Variants in MAGI1 observed in about 807,000 individuals in gnomAD.
The protein encoded by MAGI1 is membrane associated guanylate kinase, WW and PDZ domain containing 1.
Under a neutral mutation model 139.9 loss-of-function variants are expected in MAGI1, and 58 were observed. That is an observed-to-expected ratio of 0.41 (90% CI 0.34 to 0.52). MAGI1 has a LOEUF of 0.52. MAGI1 is among the 20% of genes least tolerant of loss of function. The pLI, the probability that MAGI1 is intolerant of heterozygous loss-of-function variation, is 0.12. For missense variants in MAGI1, 1,874 were observed against 1,901.6 expected (o/e 0.99, Z 0.27); for synonymous variants, 812 against 737.9 (o/e 1.10, Z -1.63).
intron 1 of MAGI1, among the ~76,000 whole-genome samples, chr3:65,768,083 A>G (rs996605076): frequency 1.3e-5 from 2 of 152,216 alleles, no homozygotes; most frequent in Non-Finnish European, 2.9e-5. Context: ...ATAGGCAAGC[A>G]TTCTATTCCT....
At chr3:65,672,413 A>G (rs1311605434) in intron 1 of MAGI1, among the ~76,000 whole-genome samples, 2 of 152,232 alleles carry the variant, frequency 1.3e-5, no homozygotes, top group African/African-American at 4.8e-5. Context: ...CTGACAAAGA[A>G]GCCATTTTTA....
At chr3:65,531,475 TTAAAA>T (rs1294981155) in intron 2 of MAGI1, among the ~76,000 whole-genome samples, 2 of 152,178 alleles carry the variant, frequency 1.3e-5, no homozygotes, top group Non-Finnish European at 2.9e-5. Context: ...TAATATTTAT[TTAAAA>T]TAATAGTTAT....
intron 2 of MAGI1, among the ~76,000 whole-genome samples, chr3:65,551,945 C>T (rs1431825166): frequency 6.6e-6 from 1 of 152,154 alleles, no homozygotes; most frequent in Non-Finnish European, 1.5e-5. Flanking sequence ...CATCAGAGGA[C>T]TAGATAAGCC....
intron 1 of MAGI1, among the ~76,000 whole-genome samples, chr3:65,856,763 T>C (rs1023870605): frequency 2.6e-5 from 4 of 152,112 alleles, no homozygotes; most frequent in Non-Finnish European, 5.9e-5. Context: ...GAGCTGATGG[T>C]CTTAACCCTC....
intron 1 of MAGI1, among the ~76,000 whole-genome samples, chr3:65,855,278 C>T (rs536248594): frequency 6.6e-6 from 1 of 151,628 alleles, no homozygotes; most frequent in South Asian, 2.1e-4. Context: ...ATAAACAGTA[C>T]CAAAGAAATG....
Position 65,379,529 on chromosome 3 carries a change from G to T in MAGI1, c.2727C>A (p.Pro909=). Residue 909 remains proline (P), a synonymous_variant, in exon 17 of 23, where the codon CCC becomes CCA. Coordinates refer to ENST00000402939, the MANE Select transcript of MAGI1 (RefSeq NM_001033057.2). ...FAVPKTENEV[P]SPASSHHSSN... ...TACTGTGATGAGAGGAGGCTGGCGAGGGCACCTCGTTCTCGGTTTTGGGCA... is the reference window on the plus strand; with the variant it reads ...TACTGTGATGAGAGGAGGCTGGCGATGGCACCTCGTTCTCGGTTTTGGGCA... 1.9e-6 allele frequency: 3 copies of T among 1,610,822 alleles called. No individual in the cohort carries two copies. The highest frequency in any genetic ancestry group is 2.5e-6 in the Non-Finnish European group (3 of 1,177,426).
intron 1 of MAGI1, among the ~76,000 whole-genome samples, chr3:65,737,304 G>A (rs112899129): frequency 0.036 from 5,418 of 152,284 alleles, 298 homozygotes; most frequent in African/African-American, 0.12. Context: ...TGCGCCCAGC[G>A]CATCAAGACT....
chr3:65,555,114 A>G (rs1388468098), intron 2 of MAGI1, among the ~76,000 whole-genome samples: 1 of 152,266 alleles, frequency 6.6e-6, no homozygotes, highest in Non-Finnish European at 1.5e-5. Context: ...CAATTTTTGT[A>G]ACTTTTCTCT....
At chr3:65,642,844 G>C (rs533388891) in intron 1 of MAGI1, among the ~76,000 whole-genome samples, 123 of 152,120 alleles carry the variant, frequency 8.1e-4, no homozygotes, top group Non-Finnish European at 1.5e-3. Context: ...TTACCTGCCT[G>C]GAAATTAAAT....
intron 1 of MAGI1, among the ~76,000 whole-genome samples, chr3:65,625,008 G>A (rs2083891821): frequency 6.6e-6 from 1 of 152,052 alleles, no homozygotes; most frequent in South Asian, 2.1e-4. Context: ...GAGTAGCAGG[G>A]ATTACAGGCA....
intron 1 of MAGI1, among the ~76,000 whole-genome samples, chr3:65,707,644 G>A (rs2030578917): frequency 6.7e-6 from 1 of 150,316 alleles, no homozygotes; most frequent in Non-Finnish European, 1.5e-5. Flanking sequence ...GAACCATGAT[G>A]GGGTCACTGC....
intron 2 of MAGI1, among the ~76,000 whole-genome samples, chr3:65,609,201 T>C (rs1186487709): frequency 6.6e-6 from 1 of 152,202 alleles, no homozygotes; most frequent in Non-Finnish European, 1.5e-5. Flanking sequence ...TGTGTGTGCG[T>C]AAAAATTTAC....
At chr3:65,453,871 G>A (rs934431075) in intron 5 of MAGI1, among the ~76,000 whole-genome samples, 29 of 152,114 alleles carry the variant, frequency 1.9e-4, no homozygotes, top group African/African-American at 6.8e-4. Context: ...CCTAAATTAT[G>A]CTTTGGACAT....
chr3:65,534,006 T>C (rs1445720065), intron 2 of MAGI1, among the ~76,000 whole-genome samples: 2 of 152,218 alleles, frequency 1.3e-5, no homozygotes, highest in Non-Finnish European at 2.9e-5. Context: ...TGGAGATGAC[T>C]GAAGCCTGAC....
intron 1 of MAGI1, among the ~76,000 whole-genome samples, chr3:65,627,249 A>G (rs2107117797): frequency 6.6e-6 from 1 of 152,308 alleles, no homozygotes; most frequent in East Asian, 1.9e-4. Context: ...CTAGGTGTTT[A>G]GTAGGCCATA....
At chr3:65,522,520 C>G (rs2078209249) in intron 2 of MAGI1, among the ~76,000 whole-genome samples, 1 of 152,074 alleles carries the variant, frequency 6.6e-6, no homozygotes, top group African/African-American at 2.4e-5. Context: ...CTTTCTAGAC[C>G]CAGTGTACAA....
chr3:65,375,993 A>G (rs772026092), intron 17 of MAGI1, 48 bp from the exon 18 acceptor site: 2 of 1,399,720 alleles, frequency 1.4e-6, no homozygotes, highest in Non-Finnish European at 2.0e-6. Context: ...GTGGGAATAT[A>G]GCAAAGGGAA....
intron 1 of MAGI1, among the ~76,000 whole-genome samples, chr3:65,951,550 T>C (rs1210448981): frequency 1.3e-5 from 2 of 152,258 alleles, no homozygotes; most frequent in East Asian, 1.9e-4. Context: ...ACTTTTATTA[T>C]TGACTACCTG....
intron 1 of MAGI1, among the ~76,000 whole-genome samples, chr3:65,814,345 C>T (rs927335545): frequency 2.0e-5 from 3 of 152,050 alleles, no homozygotes; most frequent in African/African-American, 4.8e-5. Flanking sequence ...GTACACAATA[C>T]TCCATCATAG....
Sources: gnomAD v4.1 joint callset for allele counts (sites outside exome capture counted in the v4.1 genomes callset) on GRCh38, gnomAD v4.1.1 for gene constraint, MANE v1.5 for transcripts, NCBI Gene and HGNC (gene_info 2026-07-23, HGNC 2026-07-21) for gene names.